The following ACTR3C variants were observed in gnomAD, a reference collection of about 807,000 sequenced individuals.
ACTR3C encodes the protein actin related protein 3C.
ACTR3C carries 18 observed loss-of-function variants against 26.3 expected under a neutral mutation model. The observed-to-expected ratio is 0.68, with a 90% CI of 0.47 to 1.01. The LOEUF (loss-of-function observed/expected upper bound fraction) is 1.01, where lower values mean the gene tolerates loss of function less well. Among genes scored for constraint, ACTR3C ranks in the 50% least tolerant of loss-of-function variants. The pLI, the probability that ACTR3C is intolerant of heterozygous loss-of-function variation, is 0.00. For synonymous variants in ACTR3C, 55 were observed against 94.5 expected, an observed-to-expected ratio of 0.58 and a Z score of 2.42; for missense variants, 184 against 250.7, an observed-to-expected ratio of 0.73 and a Z score of 1.80.
At chr7:149,914,639 T>C in the ACTR3C span, among the ~76,000 whole-genome samples, 5 of 142,204 alleles carry the variant, frequency 3.5e-5, no homozygotes, top group Non-Finnish European at 7.7e-5. Context: ...TCCAGGAAAG[T>C]AAAAAACTTA....
chr7:149,994,375 A>T, the ACTR3C span, among the ~76,000 whole-genome samples: 4 of 152,172 alleles, frequency 2.6e-5, no homozygotes, highest in Non-Finnish European at 4.4e-5. Context: ...AGGCGGGCGG[A>T]TCACCTGAGG....
At chr7:150,289,088 G>T (rs10248343) in intron 4 of ACTR3C, among the ~76,000 whole-genome samples, 1 of 151,018 alleles carries the variant, frequency 6.6e-6, no homozygotes, top group African/African-American at 2.5e-5. Context: ...GGTTGGCAGT[G>T]TTCTGCTGCT....
chr7:149,989,131 C>T, the ACTR3C span, among the ~76,000 whole-genome samples: 4 of 152,138 alleles, frequency 2.6e-5, no homozygotes, highest in African/African-American at 9.7e-5. Flanking sequence ...TGGTAAGGTT[C>T]CCCAACCTCC....
the ACTR3C span, among the ~76,000 whole-genome samples, chr7:149,918,427 A>G: frequency 6.6e-6 from 1 of 152,262 alleles, no homozygotes; most frequent in Non-Finnish European, 1.5e-5. Context: ...GCAGTGGCTC[A>G]CACCTGTAAT....
chr7:150,070,053 G>A, the ACTR3C span, among the ~76,000 whole-genome samples: 1 of 152,192 alleles, frequency 6.6e-6, no homozygotes, highest in Admixed American at 6.5e-5. Context: ...CTGTCACGTG[G>A]AAGGCAAGCA....
At chr7:150,089,062 T>A in the ACTR3C span, among the ~76,000 whole-genome samples, 1 of 152,206 alleles carries the variant, frequency 6.6e-6, no homozygotes, top group African/African-American at 2.4e-5. Flanking sequence ...ATATGCAAAA[T>A]TGATCTCTCT....
chr7:149,892,183 C>T, the ACTR3C span: 1 of 1,317,378 alleles, frequency 7.6e-7, no homozygotes, highest in Non-Finnish European at 1.0e-6. Context: ...ACACATTCTA[C>T]AACTCGCAAA....
intron 3 of ACTR3C, among the ~76,000 whole-genome samples, chr7:150,291,290 A>G (rs1836240521): frequency 6.6e-6 from 1 of 152,156 alleles, no homozygotes; most frequent in Non-Finnish European, 1.5e-5. Flanking sequence ...TTAGTCAGGC[A>G]TGGTGGCGCA....
the ACTR3C span, among the ~76,000 whole-genome samples, chr7:150,163,552 A>G: frequency 6.6e-6 from 1 of 151,988 alleles, no homozygotes; most frequent in African/African-American, 2.4e-5. Flanking sequence ...CTTTACATAT[A>G]TAATACATAT....
intron 6 of ACTR3C, among the ~76,000 whole-genome samples, chr7:150,277,748 G>C (rs189248078): frequency 1.3e-5 from 2 of 151,746 alleles, no homozygotes; most frequent in East Asian, 3.9e-4. Context: ...CTCCTCTCCC[G>C]GCTTCCTCCA....
the ACTR3C span, among the ~76,000 whole-genome samples, chr7:150,199,725 CA>C: frequency 2.9e-4 from 25 of 86,072 alleles, no homozygotes; most frequent in African/African-American, 9.3e-4. Flanking sequence ...ATATTTTTAT[CA>C]AAAAAAAAAA....
the ACTR3C span, among the ~76,000 whole-genome samples, chr7:149,915,671 C>T: frequency 6.6e-6 from 1 of 151,230 alleles, no homozygotes; most frequent in Non-Finnish European, 1.5e-5. Flanking sequence ...GTAAATTATA[C>T]ACAGGTGATA....
chr7:150,039,008 G>A, the ACTR3C span, among the ~76,000 whole-genome samples: 254 of 102,604 alleles, frequency 2.5e-3, 57 homozygotes, highest in South Asian at 0.048. Flanking sequence ...CCGGGGGGCG[G>A]GGAAGAGGGT....
the ACTR3C span, among the ~76,000 whole-genome samples, chr7:149,933,948 C>A: frequency 2.0e-5 from 3 of 151,362 alleles, no homozygotes; most frequent in Non-Finnish European, 4.4e-5. Context: ...AATGCAGATT[C>A]CAAGTGTAGA....
At chr7:150,046,480 C>T in the ACTR3C span, among the ~76,000 whole-genome samples, 8,029 of 151,138 alleles carry the variant, frequency 0.053, 701 homozygotes, top group African/African-American at 0.18. Flanking sequence ...GCCCTGGGTA[C>T]GTCAGGGTAG....
chr7:149,907,485 T>TCTCTCTCTCTCTCTCC, the ACTR3C span, among the ~76,000 whole-genome samples: 2,862 of 64,902 alleles, frequency 0.044, 108 homozygotes, highest in African/African-American at 0.12. Context: ...CTCTTCTCTC[T>TCTCTCTCTCTCTCTCC]CTCTCTCTCT....
At chr7:149,975,822 T>G in the ACTR3C span, among the ~76,000 whole-genome samples, 1 of 152,162 alleles carries the variant, frequency 6.6e-6, no homozygotes, top group Non-Finnish European at 1.5e-5. Flanking sequence ...TCCTGAGAAC[T>G]CATTGTCACA....
At chr7:150,040,134 G>C in the ACTR3C span, among the ~76,000 whole-genome samples, 4 of 147,934 alleles carry the variant, frequency 2.7e-5, 1 homozygote, top group Non-Finnish European at 6.0e-5. Context: ...CACAAAATGG[G>C]GGGCCTTTAT....
At chr7:150,042,486 TCCCCGC>T in the ACTR3C span, among the ~76,000 whole-genome samples, 2 of 135,340 alleles carry the variant, frequency 1.5e-5, no homozygotes, top group Admixed American at 7.1e-5. Flanking sequence ...AGGTTCGCAG[TCCCCGC>T]CTCGCGGGGA....
Sources: gnomAD v4.1 joint callset for allele counts (sites outside exome capture counted in the v4.1 genomes callset) on GRCh38, gnomAD v4.1.1 for gene constraint, MANE v1.5 for transcripts, NCBI Gene and HGNC (gene_info 2026-07-23, HGNC 2026-07-21) for gene names.